The following SDK1 variants were observed in gnomAD, a reference collection of about 807,000 sequenced individuals.
SDK1 encodes sidekick cell adhesion molecule 1, also known as protein sidekick-1.
A neutral mutation model predicts 245.5 loss-of-function variants in SDK1; 157 were observed. The ratio of observed to expected loss-of-function variants is 0.64; its 90% CI spans 0.56 to 0.73. The LOEUF (loss-of-function observed/expected upper bound fraction) is 0.73. Among genes scored for constraint, SDK1 ranks in the 30% least tolerant of loss-of-function variants. The probability of loss-of-function intolerance (pLI) is 0.00; values close to 1 mark genes in which losing one functional copy is unlikely to be tolerated. For synonymous variants in SDK1, 1,647 were observed against 1,278.5 expected (o/e 1.29, Z -6.15); for missense variants, 3,583 against 3,002.3 (o/e 1.19, Z -4.52).
chr7:3,561,518 G>T lies in SDK1; in HGVS notation c.299-57562G>T, dbSNP rs80108547. On this transcript the variant is annotated intron_variant, in intron 1 of 44. Transcript: ENST00000404826. Reference sequence around the variant, plus strand: ...ATGAGCACTGTTTTCCCTGTGGGTAGGCCACCCCTAAGGTGGTGGTGGTGG... The same window carrying T: ...ATGAGCACTGTTTTCCCTGTGGGTATGCCACCCCTAAGGTGGTGGTGGTGG... Among the ~76,000 whole-genome samples, 215 of 152,258 alleles carry T rather than the reference G, an allele frequency of 1.4e-3. 8 individuals are homozygous for T. In the East Asian group the frequency reaches 0.037, roughly 26 times the overall value.
chr7:3,564,340 A>G (rs1370190657), intron 1 of SDK1, among the ~76,000 whole-genome samples: 1 of 152,106 alleles, frequency 6.6e-6, no homozygotes, highest in South Asian at 2.1e-4. Context: ...AGCTAAAAAT[A>G]AAATACAGGA....
chr7:3,530,425 G>T (rs1245987276), intron 1 of SDK1, among the ~76,000 whole-genome samples: 2 of 152,122 alleles, frequency 1.3e-5, no homozygotes, highest in East Asian at 3.8e-4. Context: ...AATTACTAAA[G>T]GAAAATTTGT....
intron 4 of SDK1, among the ~76,000 whole-genome samples, chr7:3,650,234 C>T (rs1782969179): frequency 6.6e-6 from 1 of 152,124 alleles, no homozygotes; most frequent in Non-Finnish European, 1.5e-5. Flanking sequence ...TTATTTTAAC[C>T]ACTTTTAAGT....
In SDK1 at chr7:4,265,096, C is replaced by G. The variant is rs1389735996; in HGVS notation, c.6382-28C>G. 4 of 1,603,374 alleles carry G rather than the reference C, an allele frequency of 2.5e-6. No individual in the cohort carries two copies. In the African/African-American group the frequency reaches 4.0e-5, roughly 16 times the overall value. On this transcript the variant is annotated intron_variant, in intron 44 of 44. Coordinates refer to ENST00000404826, the MANE Select transcript of SDK1 (RefSeq NM_152744.4). ...TCCGGGCCCTGCGCCCTGCCCTGCA[C>G]TCACACCTTCTCTCCCGCTCCCCGC...
At chr7:3,482,409 T>C (rs770188353) in intron 1 of SDK1, among the ~76,000 whole-genome samples, 5 of 152,230 alleles carry the variant, frequency 3.3e-5, no homozygotes, top group Admixed American at 1.3e-4. Context: ...ACTCCGGAGA[T>C]AGGCAATAAA....
intron 25 of SDK1, among the ~76,000 whole-genome samples, chr7:4,118,785 A>T (rs941480488): frequency 6.7e-6 from 1 of 149,130 alleles, no homozygotes; most frequent in Non-Finnish European, 1.5e-5. Flanking sequence ...AGTGTGGGTG[A>T]ACCTTGAAAA....
chr7:3,399,032 A>G (rs2128572673), intron 1 of SDK1, among the ~76,000 whole-genome samples: 1 of 152,110 alleles, frequency 6.6e-6, no homozygotes, highest in South Asian at 2.1e-4. Flanking sequence ...TGCAACAGAA[A>G]CCAGCAGTAT....
intron 14 of SDK1, among the ~76,000 whole-genome samples, chr7:4,002,156 A>G (rs747990456): frequency 6.6e-6 from 1 of 152,222 alleles, no homozygotes; most frequent in Non-Finnish European, 1.5e-5. Context: ...GTTATTATCT[A>G]TGCTTCTCTC....
At chr7:3,761,265 T>TTC (rs889529566) in intron 4 of SDK1, among the ~76,000 whole-genome samples, 6 of 146,978 alleles carry the variant, frequency 4.1e-5, no homozygotes, top group African/African-American at 1.5e-4. Flanking sequence ...CCCTCCTTTT[T>TTC]TTTTTTTTTT....
intron 1 of SDK1, among the ~76,000 whole-genome samples, chr7:3,500,514 T>A (rs1782163480): frequency 6.6e-6 from 1 of 152,182 alleles, no homozygotes; most frequent in Non-Finnish European, 1.5e-5. Flanking sequence ...AAGTTAAGAG[T>A]CATTCTGCTT....
chr7:3,435,555 G>T (rs777779327), intron 1 of SDK1, among the ~76,000 whole-genome samples: 3 of 151,512 alleles, frequency 2.0e-5, no homozygotes, highest in Admixed American at 6.6e-5. Context: ...AGTAGAGACG[G>T]GGTTTCACCG....
Position 4,140,016 on chromosome 7 carries a change from C to T in SDK1, c.4229-5706C>T, listed in dbSNP as rs371068673. On this transcript the variant is annotated intron_variant, in intron 28 of 44. Transcript: ENST00000404826. The stretch of plus-strand genomic sequence containing the variant: ...TGCACCTCTGGGCCAGCTCTGCAAA[C>T]GGTGATTCCTGCCAGGCCCACACTC... Among the ~76,000 whole-genome samples the T allele has an allele frequency of 2.5e-3, 383 of 152,248 alleles. 16 individuals carry two copies. In the South Asian group the frequency reaches 0.072, roughly 29 times the overall value.
chr7:3,968,839 T>C (rs1011008034), intron 10 of SDK1, among the ~76,000 whole-genome samples: 8 of 152,192 alleles, frequency 5.3e-5, no homozygotes, highest in African/African-American at 1.9e-4. Flanking sequence ...ACTCTCACAC[T>C]GATATAAACA....
chr7:3,855,919 G>A (rs1780534190), intron 5 of SDK1, among the ~76,000 whole-genome samples: 2 of 152,152 alleles, frequency 1.3e-5, no homozygotes, highest in Non-Finnish European at 2.9e-5. Flanking sequence ...TTCAATTAAT[G>A]AATGGTGAAA....
chr7:3,907,978 T>C (rs1167400935), intron 5 of SDK1, among the ~76,000 whole-genome samples: 6 of 152,166 alleles, frequency 3.9e-5, no homozygotes, highest in African/African-American at 1.2e-4. Context: ...TGTTGTTGGC[T>C]TGGGGCTTGG....
At chr7:3,312,848 A>G (rs1260644300) in intron 1 of SDK1, among the ~76,000 whole-genome samples, 2 of 152,210 alleles carry the variant, frequency 1.3e-5, no homozygotes, top group African/African-American at 2.4e-5. Context: ...AAGTTTTCAT[A>G]ATCAATACAA....
intron 5 of SDK1, among the ~76,000 whole-genome samples, chr7:3,903,284 C>A (rs1312455025): frequency 6.6e-6 from 1 of 151,938 alleles, no homozygotes; most frequent in African/African-American, 2.4e-5. Context: ...GCTGGGACTA[C>A]AGGTGCCCGC....
At chr7:3,390,058 C>G (rs150749528) in intron 1 of SDK1, among the ~76,000 whole-genome samples, 1 of 152,052 alleles carries the variant, frequency 6.6e-6, no homozygotes, top group Non-Finnish European at 1.5e-5. Context: ...TAGAGCTCTA[C>G]GGAAAGCAGA....
At chr7:3,566,124 C>A (rs2128627846) in intron 1 of SDK1, among the ~76,000 whole-genome samples, 1 of 151,180 alleles carries the variant, frequency 6.6e-6, no homozygotes, top group South Asian at 2.1e-4. Context: ...TTTTTATTCT[C>A]TTGGAGGTAG....
Sources: gnomAD v4.1 joint callset for allele counts (sites outside exome capture counted in the v4.1 genomes callset) on GRCh38, gnomAD v4.1.1 for gene constraint, MANE v1.5 for transcripts, NCBI Gene and HGNC (gene_info 2026-07-23, HGNC 2026-07-21) for gene names.